CDH7: variants seen among roughly 807,000 people sequenced by gnomAD.
CDH7 encodes cadherin 7, also known as cadherin-7.
In CDH7, 25 loss-of-function variants were observed where a neutral mutation model predicts 71.8. The ratio of observed to expected loss-of-function variants is 0.35; its 90% CI spans 0.25 to 0.49. The LOEUF is 0.49. CDH7 is among the 20% of genes least tolerant of loss of function. The probability of loss-of-function intolerance (pLI) is 0.99; values close to 1 mark genes in which losing one functional copy is unlikely to be tolerated. For synonymous variants in CDH7, 381 were observed against 363.8 expected, an observed-to-expected ratio of 1.05 and a Z score of -0.54; for missense variants, 862 against 974.6, an observed-to-expected ratio of 0.88 and a Z score of 1.54.
intron 1 of CDH7, among the ~76,000 whole-genome samples, chr18:65,762,300 A>T (rs1916213941): frequency 6.6e-6 from 1 of 152,208 alleles, no homozygotes; most frequent in Non-Finnish European, 1.5e-5. Context: ...AAAGAAAAAA[A>T]ATAAAGGCTA....
Position 65,859,722 on chromosome 18 carries a change from C to G in CDH7, c.1509C>G (p.Ile503Met). 1 of 1,601,728 alleles carries G rather than the reference C, an allele frequency of 6.2e-7. No homozygotes were observed. Among genetic ancestry groups the G allele is most frequent in the East Asian group, 2.2e-5 (1 of 44,736 alleles). Residue 503 changes from isoleucine to methionine, a missense_variant, in exon 10 of 12, where the codon ATC becomes ATG. By Grantham distance (10) the Ile-to-Met change is conservative. Transcript: ENST00000397968. Reference sequence around the variant, plus strand: ...TCTTTTCCTAGGTTATCCAGAAAATCAGTGCTGTGGATAAAGATGAGCCAT... The same window carrying G: ...TCTTTTCCTAGGTTATCCAGAAAATGAGTGCTGTGGATAAAGATGAGCCAT... ...NAQPGQVIQK[I>M]SAVDKDEPSN... is the part of the protein sequence containing the mutation.
In CDH7 at chr18:65,888,717, G is replaced by T. The variant is rs527576543; in HGVS notation, c.*7823G>T. On this transcript the variant is annotated 3_prime_UTR_variant, in exon 12 of 12. Coordinates refer to ENST00000397968, the MANE Select transcript of CDH7 (RefSeq NM_004361.5). ...AGGTTTTTTAAGGAAAAACTTTGAT[G>T]CCCAGAATAACTGTAACTTATGCAA... 1 of 149,290 alleles carries T rather than the reference G, an allele frequency of 6.7e-6. No individual in the cohort carries two copies. The highest frequency in any genetic ancestry group is 1.5e-5 in the Non-Finnish European group (1 of 67,516). 9.2% of individuals were successfully genotyped at this position (149,290 alleles called of 1,614,324 possible). A position where few individuals can be genotyped will look rare whatever the true frequency, so the allele number is the denominator to read the frequency against.
intron 6 of CDH7, among the ~76,000 whole-genome samples, chr18:65,837,513 A>G (rs1475768324): frequency 1.3e-5 from 2 of 152,208 alleles, no homozygotes; most frequent in East Asian, 1.9e-4. Context: ...GTCTTCCTTG[A>G]TGGTAAAATT....
chr18:65,768,555 A>T lies in CDH7; in HGVS notation c.210+5503A>T, dbSNP rs1410923930. ...TATATTGAGGTTTTAGGTGCAAAGGACAAGATATAAACTGAAACGATGATT... is the reference window on the plus strand; with the variant it reads ...TATATTGAGGTTTTAGGTGCAAAGGTCAAGATATAAACTGAAACGATGATT... On this transcript the variant is annotated intron_variant, in intron 2 of 11. Transcript: ENST00000397968. 2.6e-5 allele frequency among the ~76,000 whole-genome samples: 4 copies of T among 152,222 alleles called. 1 individual carries two copies. The East Asian group carries it at 7.7e-4, about 29-fold the overall frequency.
At chr18:65,874,970 C>A (rs944248357) in intron 11 of CDH7, among the ~76,000 whole-genome samples, 4 of 152,148 alleles carry the variant, frequency 2.6e-5, no homozygotes, top group Admixed American at 1.3e-4. Context: ...GTGGAGCAAG[C>A]TTGTTCAACC....
In CDH7 at chr18:65,818,415, G is replaced by C. The variant is rs1280148809; in HGVS notation, c.626-3666G>C. Among the ~76,000 whole-genome samples the C allele has an allele frequency of 4.6e-5, 7 of 152,174 alleles. No individual in the cohort carries two copies. In the East Asian group the frequency reaches 1.2e-3, roughly 25 times the overall value. On this transcript the variant is annotated intron_variant, in intron 4 of 11. Transcript: ENST00000397968. ...AAAAGTGATCATTGTTATCCAGTCAGAATGTGCATGGGGGAGTACTTCTCA... is the reference window on the plus strand; with the variant it reads ...AAAAGTGATCATTGTTATCCAGTCACAATGTGCATGGGGGAGTACTTCTCA...
At chr18:65,776,397 CACACAG>C (rs60691951) in intron 2 of CDH7, among the ~76,000 whole-genome samples, 2,461 of 147,012 alleles carry the variant, frequency 0.017, 59 homozygotes, top group African/African-American at 0.058. Context: ...CACACACACA[CACACAG>C]AGAGAGAGAG....
chr18:65,832,538 A>G (rs1336265748), intron 6 of CDH7, among the ~76,000 whole-genome samples: 1 of 152,022 alleles, frequency 6.6e-6, no homozygotes, highest in African/African-American at 2.4e-5. Flanking sequence ...TTATACTTTA[A>G]GAATAAACCT....
intron 7 of CDH7, among the ~76,000 whole-genome samples, chr18:65,844,907 C>T (rs1912881032): frequency 6.6e-6 from 1 of 151,732 alleles, no homozygotes; most frequent in African/African-American, 2.4e-5. Context: ...AAGACTATAA[C>T]GTAAAAATAA....
In CDH7 at chr18:65,844,600, C is replaced by T. The variant is rs1912870810; in HGVS notation, c.1235+535C>T. Among the ~76,000 whole-genome samples the T allele has an allele frequency of 2.6e-5, 4 of 152,088 alleles. No individual in the cohort carries two copies. The South Asian group carries it at 8.3e-4, about 32-fold the overall frequency. ...AAATATCTTTTCAGTAGTCTTGTATCTAGGCTAGATATTGTTATAGCCAAG... is the reference window on the plus strand; with the variant it reads ...AAATATCTTTTCAGTAGTCTTGTATTTAGGCTAGATATTGTTATAGCCAAG... On this transcript the variant is annotated intron_variant, in intron 7 of 11. Coordinates refer to ENST00000397968, the MANE Select transcript of CDH7 (RefSeq NM_004361.5).
chr18:65,801,137 C>T lies in CDH7; in HGVS notation c.211-8567C>T, dbSNP rs78214760. Among the ~76,000 whole-genome samples the T allele has an allele frequency of 4.1e-3, 618 of 152,274 alleles. 8 individuals are homozygous for T. Among genetic ancestry groups the T allele is most frequent in the Non-Finnish European group, 4.6e-3 (314 of 68,022 alleles). ...GTTACTTGATTCAAGACTTTAGGCT[C>T]CCTCTTGTTACCCCTTCTGGTTTTC... On this transcript the variant is annotated intron_variant, in intron 2 of 11. Coordinates refer to ENST00000397968, the MANE Select transcript of CDH7 (RefSeq NM_004361.5).
At chr18:65,865,225 A>G (rs1913716587) in intron 11 of CDH7, 1 of 152,164 alleles carries the variant, frequency 6.6e-6, no homozygotes, top group Admixed American at 6.5e-5. Flanking sequence ...TCAGCTAATT[A>G]TTACTGAAAG....
intron 11 of CDH7, among the ~76,000 whole-genome samples, chr18:65,865,044 G>A (rs868409732): frequency 1.6e-4 from 25 of 152,138 alleles, no homozygotes; most frequent in Middle Eastern, 3.4e-3. Flanking sequence ...AGATTATGCC[G>A]TAAAGGAATA....
chr18:65,864,051 G>A (rs1225217232), intron 11 of CDH7: 1 of 152,068 alleles, frequency 6.6e-6, no homozygotes, highest in Non-Finnish European at 1.5e-5. Flanking sequence ...TGAAAATGGA[G>A]GTTATTGTCT....
intron 4 of CDH7, among the ~76,000 whole-genome samples, chr18:65,820,427 A>G (rs1157163924): frequency 2.6e-5 from 4 of 152,138 alleles, no homozygotes; most frequent in Non-Finnish European, 5.9e-5. Context: ...GTGTGTATTT[A>G]TATACACAAT....
At chr18:65,805,772 C>T (rs765225660) in intron 2 of CDH7, among the ~76,000 whole-genome samples, 1 of 152,160 alleles carries the variant, frequency 6.6e-6, no homozygotes, top group Non-Finnish European at 1.5e-5. Context: ...ATTATGATAT[C>T]TCAGTGTTAT....
intron 1 of CDH7, among the ~76,000 whole-genome samples, chr18:65,759,287 C>T (rs1916118610): frequency 2.0e-5 from 3 of 151,252 alleles, no homozygotes; most frequent in African/African-American, 7.3e-5. Flanking sequence ...CGCTGTCACC[C>T]AGGCTAGAGT....
chr18:65,815,067 A>G (rs1219083442), intron 4 of CDH7, among the ~76,000 whole-genome samples: 1 of 152,148 alleles, frequency 6.6e-6, no homozygotes, highest in Non-Finnish European at 1.5e-5. Context: ...TAGGGTGATG[A>G]TCTGCCAAAT....
intron 10 of CDH7, among the ~76,000 whole-genome samples, chr18:65,860,434 A>C (rs958577805): frequency 1.3e-5 from 2 of 152,026 alleles, no homozygotes; most frequent in African/African-American, 4.8e-5. Flanking sequence ...TCATTATAGT[A>C]AAAAAAACTT....
Sources: allele counts gnomAD v4.1 joint callset (sites outside exome capture counted in the v4.1 genomes callset), GRCh38; gene constraint gnomAD v4.1.1; transcripts MANE v1.5; gene names NCBI Gene and HGNC (gene_info 2026-07-23, HGNC 2026-07-21).